Variants in DAB1 observed in about 807,000 individuals in gnomAD.
DAB1 encodes the protein DAB adaptor protein 1, also known as disabled homolog 1.
DAB1 carries 15 observed loss-of-function variants against 64.6 expected under a neutral mutation model. That is an observed-to-expected ratio of 0.23 (90% CI 0.16 to 0.36). The LOEUF (loss-of-function observed/expected upper bound fraction) is 0.36. Among genes scored for constraint, DAB1 ranks in the 10% least tolerant of loss-of-function variants. DAB1 has a pLI of 1.00. For missense variants in DAB1, 596 were observed against 706.7 expected, an observed-to-expected ratio of 0.84 and a Z score of 1.78; for synonymous variants, 235 against 251.9, an observed-to-expected ratio of 0.93 and a Z score of 0.64.
chr1:57,630,509 A>G (rs1645976944), intron 7 of DAB1, among the ~76,000 whole-genome samples: 1 of 152,194 alleles, frequency 6.6e-6, no homozygotes, highest in African/African-American at 2.4e-5. Context: ...ATTTATATAA[A>G]AGGGTAGGGT....
intron 9 of DAB1, among the ~76,000 whole-genome samples, chr1:57,055,131 C>A (rs1649618233): frequency 6.6e-6 from 1 of 152,224 alleles, no homozygotes; most frequent in South Asian, 2.1e-4. Flanking sequence ...GACACCCTGA[C>A]ATAAAAATGT....
intron 5 of DAB1, among the ~76,000 whole-genome samples, chr1:57,922,900 T>A (rs1202820): frequency 0.13 from 19,392 of 144,598 alleles, 2,073 homozygotes; most frequent in African/African-American, 0.28. Flanking sequence ...CCTATTTCTC[T>A]TTATATTCTT....
Position 57,274,688 on chromosome 1 carries a change from C to T in DAB1, c.67+16276G>A, listed in dbSNP as rs140315513. The stretch of plus-strand genomic sequence containing the variant: ...CTCTGCCTCCTGGGCTCAAGCGATT[C>T]TCCTGCCTCAGCATCCCAAGTAGCT... On this transcript the variant is annotated intron_variant, in intron 2 of 14. Transcript: ENST00000371236. Among the ~76,000 whole-genome samples the T allele has an allele frequency of 7.6e-3, 1,157 of 152,274 alleles. 14 individuals are homozygous for T. The highest frequency in any genetic ancestry group is 0.026 in the African/African-American group (1,082 of 41,548).
chr1:57,006,830 T>G (rs1195780119), intron 14 of DAB1, among the ~76,000 whole-genome samples: 1 of 152,202 alleles, frequency 6.6e-6, no homozygotes. Context: ...AACACTTTCA[T>G]ACTTATGATA....
intron 5 of DAB1, among the ~76,000 whole-genome samples, chr1:57,923,548 C>A (rs1278255257): frequency 3.3e-5 from 5 of 152,204 alleles, no homozygotes; most frequent in African/African-American, 1.2e-4. Flanking sequence ...TTACTTAACT[C>A]TAAGCTGTCC....
chr1:57,970,162 G>T (rs967995778), intron 5 of DAB1, among the ~76,000 whole-genome samples: 1 of 152,166 alleles, frequency 6.6e-6, no homozygotes, highest in African/African-American at 2.4e-5. Context: ...ATAACTATGA[G>T]AAATAATAGC....
At chr1:57,748,469 T>C (rs1648390837) in intron 6 of DAB1, among the ~76,000 whole-genome samples, 1 of 152,216 alleles carries the variant, frequency 6.6e-6, no homozygotes, top group Non-Finnish European at 1.5e-5. Flanking sequence ...AAATGTATGT[T>C]AAAAATCTAA....
chr1:57,625,881 A>G (rs1645916527), intron 7 of DAB1, among the ~76,000 whole-genome samples: 1 of 152,240 alleles, frequency 6.6e-6, no homozygotes, highest in South Asian at 2.1e-4. Context: ...TTCATAGGCC[A>G]GTTTCAAAAA....
chr1:57,081,840 A>G (rs1369528122), intron 4 of DAB1, among the ~76,000 whole-genome samples: 1 of 152,222 alleles, frequency 6.6e-6, no homozygotes, highest in Non-Finnish European at 1.5e-5. Flanking sequence ...TTGGTTATAT[A>G]TTAAGATAAA....
At chr1:58,507,120 T>A (rs893003531) in intron 2 of DAB1, among the ~76,000 whole-genome samples, 2 of 151,996 alleles carry the variant, frequency 1.3e-5, no homozygotes, top group Non-Finnish European at 2.9e-5. Flanking sequence ...TATTTTATAA[T>A]TAAAATTATT....
intron 1 of DAB1, among the ~76,000 whole-genome samples, chr1:57,847,807 T>A (rs1390300426): frequency 6.6e-6 from 1 of 152,142 alleles, no homozygotes; most frequent in Non-Finnish European, 1.5e-5. Flanking sequence ...AAAAATAGAA[T>A]ACTATTATTA....
intron 5 of DAB1, among the ~76,000 whole-genome samples, chr1:57,919,867 G>A (rs1644783510): frequency 6.6e-6 from 1 of 152,196 alleles, no homozygotes; most frequent in African/African-American, 2.4e-5. Context: ...CTGCATGTGT[G>A]CACGTGTGTG....
At chr1:57,451,633 A>G (rs892294856) in intron 7 of DAB1, among the ~76,000 whole-genome samples, 42 of 152,318 alleles carry the variant, frequency 2.8e-4, no homozygotes, top group African/African-American at 9.6e-4. Flanking sequence ...TTAGAAAATC[A>G]TTCCACATTT....
chr1:57,445,562 G>A (rs879736229), intron 7 of DAB1, among the ~76,000 whole-genome samples: 17 of 152,072 alleles, frequency 1.1e-4, no homozygotes, highest in Non-Finnish European at 1.9e-4. Flanking sequence ...CACTGATAAT[G>A]TAATAAATAT....
chr1:57,688,850 TG>T (rs1646730859), intron 6 of DAB1, among the ~76,000 whole-genome samples: 1 of 152,018 alleles, frequency 6.6e-6, no homozygotes, highest in Non-Finnish European at 1.5e-5. Flanking sequence ...CACTTGTAAG[TG>T]GGAGCTAAAC....
intron 6 of DAB1, among the ~76,000 whole-genome samples, chr1:57,783,106 C>CTTTTTTTTTTT (rs58761251): frequency 1.0e-5 from 1 of 99,876 alleles, no homozygotes; most frequent in Non-Finnish European, 1.8e-5. Context: ...TCTCTCTTTT[C>CTTTTTTTTTTT]TTTTTTTTTT....
intron 5 of DAB1, among the ~76,000 whole-genome samples, chr1:58,012,449 G>A (rs1263797992): frequency 6.6e-6 from 1 of 151,996 alleles, no homozygotes; most frequent in African/African-American, 2.4e-5. Context: ...TAACTAACCT[G>A]CACAACGTGC....
intron 4 of DAB1, among the ~76,000 whole-genome samples, chr1:58,219,019 CTCTCTCTG>C (rs1322309469): frequency 4.8e-5 from 6 of 126,164 alleles, no homozygotes; most frequent in East Asian, 2.1e-4. Context: ...CTCTCTCTCT[CTCTCTCTG>C]TGTGTGTGTG....
intron 3 of DAB1, among the ~76,000 whole-genome samples, chr1:58,499,389 G>A (rs1255023370): frequency 6.6e-6 from 1 of 150,922 alleles, no homozygotes; most frequent in Non-Finnish European, 1.5e-5. Context: ...GGAGGCTGAA[G>A]TGGGAAAATT....
Sources: gnomAD v4.1 joint callset for allele counts (sites outside exome capture counted in the v4.1 genomes callset) on GRCh38, gnomAD v4.1.1 for gene constraint, MANE v1.5 for transcripts, NCBI Gene and HGNC (gene_info 2026-07-23, HGNC 2026-07-21) for gene names.